Variants in SLC36A1 observed in about 807,000 individuals in gnomAD.
The protein encoded by SLC36A1 is solute carrier family 36 member 1.
A neutral mutation model predicts 47.5 loss-of-function variants in SLC36A1; 30 were observed. The ratio of observed to expected loss-of-function variants is 0.63; its 90% confidence interval spans 0.47 to 0.86. The LOEUF (loss-of-function observed/expected upper bound fraction) is 0.86. Among genes scored for constraint, SLC36A1 ranks in the 40% least tolerant of loss-of-function variants. SLC36A1 has a pLI of 0.00. For missense variants in SLC36A1, 517 were observed against 606.0 expected (o/e 0.85, Z 1.54); for synonymous variants, 255 against 249.7 (o/e 1.02, Z -0.20).
At chr5:151,368,517 A>C in the SLC36A1 span, among the ~76,000 whole-genome samples, 1 of 152,228 alleles carries the variant, frequency 6.6e-6, no homozygotes, top group South Asian at 2.1e-4. Flanking sequence ...CATATACCCA[A>C]GAAAAAGTAT....
chr5:151,486,614 T>C lies in SLC36A1; in HGVS notation c.1160-1369T>C, dbSNP rs543693404. 7.2e-5 allele frequency among the ~76,000 whole-genome samples: 11 copies of C among 152,350 alleles called. No homozygotes were observed. The East Asian group carries it at 1.7e-3, about 24-fold the overall frequency. ...TGAGATGTTCTGGCAGTCTCACCAG[T>C]GTGGTGCCTTCCTTAGAGTGACTTG... On this transcript the variant is annotated intron_variant, in intron 10 of 10. Coordinates refer to ENST00000243389, the MANE Select transcript of SLC36A1 (RefSeq NM_078483.4).
chr5:151,350,702 G>T, the SLC36A1 span, among the ~76,000 whole-genome samples: 57 of 152,134 alleles, frequency 3.7e-4, no homozygotes, highest in African/African-American at 1.2e-3. Flanking sequence ...GGATAATGGG[G>T]TTTTTTGTGG....
upstream of SLC36A1, among the ~76,000 whole-genome samples, chr5:151,446,738 TTC>T (rs1752947137): frequency 6.6e-6 from 1 of 152,208 alleles, no homozygotes; most frequent in Non-Finnish European, 1.5e-5. Context: ...AAAATGTGTA[TTC>T]TGTTTCTGTT....
the SLC36A1 span, among the ~76,000 whole-genome samples, chr5:151,365,432 C>T: frequency 4.6e-5 from 7 of 152,136 alleles, no homozygotes; most frequent in Non-Finnish European, 7.4e-5. Context: ...GTTCAGGGGG[C>T]AACAGAGGCT....
chr5:151,542,681 C>T, the SLC36A1 span: 1 of 1,614,236 alleles, frequency 6.2e-7, no homozygotes, highest in Non-Finnish European at 8.5e-7. Context: ...ACTTGAATGA[C>T]TGAGGTCCCC....
At chr5:151,513,065 T>C in the SLC36A1 span, among the ~76,000 whole-genome samples, 1 of 152,228 alleles carries the variant, frequency 6.6e-6, no homozygotes, top group Admixed American at 6.5e-5. Flanking sequence ...AAAGTATTTT[T>C]ATAGTAATCC....
At chr5:151,479,783 T>C (rs1758570018) in intron 10 of SLC36A1, 1 of 527,176 alleles carries the variant, frequency 1.9e-6, no homozygotes, top group Admixed American at 3.6e-5. Flanking sequence ...TACTATCCCA[T>C]ATTAAATAAG....
At chr5:151,505,396 C>T in the SLC36A1 span, 1 of 776,466 alleles carries the variant, frequency 1.3e-6, no homozygotes, top group Non-Finnish European at 2.1e-6. Context: ...CCTCCACCCT[C>T]AGGGACTAGG....
chr5:151,408,050 GA>G, the SLC36A1 span, among the ~76,000 whole-genome samples: 1 of 152,212 alleles, frequency 6.6e-6, no homozygotes, highest in Non-Finnish European at 1.5e-5. Flanking sequence ...TCATTTTAAG[GA>G]TAAGGAAATC....
the SLC36A1 span, among the ~76,000 whole-genome samples, chr5:151,514,251 C>G: frequency 6.6e-6 from 1 of 152,228 alleles, no homozygotes; most frequent in Non-Finnish European, 1.5e-5. Context: ...ATGAATGCAA[C>G]TCAAGTAAAA....
chr5:151,549,267 C>T, the SLC36A1 span: 2 of 1,605,838 alleles, frequency 1.2e-6, no homozygotes, highest in Non-Finnish European at 1.7e-6. Context: ...CTTGACCCAT[C>T]CTCTGAGCTC....
the SLC36A1 span, chr5:151,529,267 C>T: frequency 7.4e-6 from 12 of 1,614,122 alleles, no homozygotes; most frequent in Non-Finnish European, 1.0e-5. Flanking sequence ...TCATTGACAT[C>T]AGTGATGTTG....
the SLC36A1 span, chr5:151,550,508 A>C: frequency 7.2e-5 from 105 of 1,461,824 alleles, no homozygotes; most frequent in Non-Finnish European, 9.4e-5. Flanking sequence ...GGGAAGGGGG[A>C]CCTTCAGCAT....
At chr5:151,387,924 T>G in the SLC36A1 span, among the ~76,000 whole-genome samples, 5 of 152,342 alleles carry the variant, frequency 3.3e-5, no homozygotes, top group Middle Eastern at 3.4e-3. Flanking sequence ...TAATGTGGCT[T>G]GCTTTTGGAC....
intron 2 of SLC36A1, 149 bp downstream of exon 2, chr5:151,459,084 T>C: frequency 1.2e-6 from 1 of 861,394 alleles, no homozygotes; most frequent in East Asian, 2.8e-5. Flanking sequence ...GCGCTGAGAT[T>C]TGCCTTCCTG....
chr5:151,347,388 C>T, the SLC36A1 span: 1 of 1,614,248 alleles, frequency 6.2e-7, no homozygotes, highest in African/African-American at 1.3e-5. Context: ...TTGGCACTTT[C>T]AGGAGGCGAC....
chr5:151,377,336 G>T, the SLC36A1 span, among the ~76,000 whole-genome samples: 2 of 149,154 alleles, frequency 1.3e-5, no homozygotes, highest in African/African-American at 5.0e-5. Flanking sequence ...TTATTGTATT[G>T]CTGTCTCTTT....
chr5:151,514,954 A>G, the SLC36A1 span, among the ~76,000 whole-genome samples: 2 of 152,342 alleles, frequency 1.3e-5, no homozygotes, highest in Admixed American at 1.3e-4. Flanking sequence ...TTTCAAAAAT[A>G]TACCTTCTTT....
the SLC36A1 span, among the ~76,000 whole-genome samples, chr5:151,515,671 C>G: frequency 5.3e-5 from 8 of 152,292 alleles, no homozygotes. Flanking sequence ...ATCCTGTTGG[C>G]TTTGCCTTCA....
Sources: gnomAD v4.1 joint callset for allele counts (sites outside exome capture counted in the v4.1 genomes callset) on GRCh38, gnomAD v4.1.1 for gene constraint, MANE v1.5 for transcripts, NCBI Gene and HGNC (gene_info 2026-07-23, HGNC 2026-07-21) for gene names.